LDB2: variants seen among roughly 807,000 people sequenced by gnomAD.
LDB2 encodes the protein LIM domain-binding protein 2.
In LDB2, 12 loss-of-function variants were observed where a neutral mutation model predicts 44.3. That is an observed-to-expected ratio of 0.27 (90% CI 0.17 to 0.44). LDB2 has a LOEUF of 0.44. Among genes scored for constraint, LDB2 ranks in the 20% least tolerant of loss-of-function variants. The pLI is 1.00. For synonymous variants in LDB2, 164 were observed against 174.8 expected, an observed-to-expected ratio of 0.94 and a Z score of 0.49; for missense variants, 344 against 473.5, an observed-to-expected ratio of 0.73 and a Z score of 2.54.
At chr4:16,872,751 G>T (rs1717080431) in intron 1 of LDB2, among the ~76,000 whole-genome samples, 1 of 152,162 alleles carries the variant, frequency 6.6e-6, no homozygotes, top group South Asian at 2.1e-4. Flanking sequence ...TTAGAAATCA[G>T]TATAAGGCAG....
chr4:16,831,718 A>G (rs183174222), intron 1 of LDB2, among the ~76,000 whole-genome samples: 66 of 152,324 alleles, frequency 4.3e-4, no homozygotes, highest in Non-Finnish European at 2.9e-4. Flanking sequence ...CAGTAATTGG[A>G]CACTTGGATA....
intron 5 of LDB2, among the ~76,000 whole-genome samples, chr4:16,552,878 T>A (rs1221098006): frequency 6.6e-6 from 1 of 152,178 alleles, no homozygotes; most frequent in Non-Finnish European, 1.5e-5. Context: ...AAGGGACCTA[T>A]CTAAGTAAAC....
intron 1 of LDB2, among the ~76,000 whole-genome samples, chr4:16,774,016 G>A (rs1038777463): frequency 2.3e-4 from 15 of 65,172 alleles, no homozygotes; most frequent in Non-Finnish European, 5.1e-4. Context: ...ATAGCTGGGC[G>A]TGCTGGCGCA....
rs139832665 is a variant in LDB2 at position 16,881,956 on chromosome 4, C to T, written c.132+16398G>A. Among the ~76,000 whole-genome samples, 158 of 152,318 alleles carry T rather than the reference C, an allele frequency of 1.0e-3. 1 individual carries two copies. Among genetic ancestry groups the T allele is most frequent in the Middle Eastern group, 6.8e-3 (2 of 294 alleles). On this transcript the variant is annotated intron_variant, in intron 1 of 7. Transcript: ENST00000304523. ...AGATGTAGCATTGTTAAGAAGTTAACAGTGCCTTCAATTAAACATAGGAAT... is the reference window on the plus strand; with the variant it reads ...AGATGTAGCATTGTTAAGAAGTTAATAGTGCCTTCAATTAAACATAGGAAT...
At chr4:16,796,020 G>A (rs1421112243) in intron 1 of LDB2, among the ~76,000 whole-genome samples, 1 of 152,094 alleles carries the variant, frequency 6.6e-6, no homozygotes, top group African/African-American at 2.4e-5. Context: ...GAGCCGGCGC[G>A]GTGGTTCACG....
intron 2 of LDB2, among the ~76,000 whole-genome samples, chr4:16,649,445 A>C (rs1200649900): frequency 1.3e-5 from 2 of 152,238 alleles, no homozygotes; most frequent in African/African-American, 4.8e-5. Context: ...AGTGCTTAAC[A>C]GATTTTTCTT....
chr4:16,645,952 C>T (rs1313208209), intron 2 of LDB2, among the ~76,000 whole-genome samples: 2 of 152,184 alleles, frequency 1.3e-5, no homozygotes, highest in Non-Finnish European at 2.9e-5. Flanking sequence ...CGAGTGGCCT[C>T]AGAAAGTGGA....
At chr4:16,716,038 T>C (rs1560976994) in intron 2 of LDB2, among the ~76,000 whole-genome samples, 1 of 152,198 alleles carries the variant, frequency 6.6e-6, no homozygotes, top group South Asian at 2.1e-4. Flanking sequence ...TATGTCCCAT[T>C]TACTGGAATA....
intron 1 of LDB2, among the ~76,000 whole-genome samples, chr4:16,880,709 TCCTG>T (rs1276734793): frequency 1.3e-5 from 2 of 151,936 alleles, no homozygotes; most frequent in South Asian, 4.2e-4. Flanking sequence ...ATCGAGACCA[TCCTG>T]GCTAACACAG....
At chr4:16,800,315 G>A (rs1179424386) in intron 1 of LDB2, among the ~76,000 whole-genome samples, 1 of 152,060 alleles carries the variant, frequency 6.6e-6, no homozygotes, top group Non-Finnish European at 1.5e-5. Flanking sequence ...TATTTGTATC[G>A]AGTTGATTAT....
chr4:16,633,602 G>A (rs960588204), intron 2 of LDB2, among the ~76,000 whole-genome samples: 4 of 152,118 alleles, frequency 2.6e-5, no homozygotes, highest in African/African-American at 7.2e-5. Flanking sequence ...ACTGCTCAAG[G>A]AAATAAGAGA....
chr4:16,764,386 G>T (rs1476284773), intron 1 of LDB2, among the ~76,000 whole-genome samples: 1 of 152,106 alleles, frequency 6.6e-6, no homozygotes, highest in Non-Finnish European at 1.5e-5. Flanking sequence ...AAGAGATTAG[G>T]AGTTTAGGGA....
At position 16,671,483 on chromosome 4, in the gene LDB2, G is replaced by A. The variant is rs1744756882; in HGVS notation, c.236-75608C>T. 2.0e-5 allele frequency among the ~76,000 whole-genome samples: 3 copies of A among 152,060 alleles called. No individual in the cohort carries two copies. In the South Asian group the frequency reaches 6.2e-4, roughly 32 times the overall value. ...AGCTCACCTGCCTTTGTCCCTCCAGGTCCCTACTGTCTCAGCAGTCAGAGC... is the reference window on the plus strand; with the variant it reads ...AGCTCACCTGCCTTTGTCCCTCCAGATCCCTACTGTCTCAGCAGTCAGAGC... On this transcript the variant is annotated intron_variant, in intron 2 of 7. Transcript: ENST00000304523.
chr4:16,687,327 A>G (rs1452040225), intron 2 of LDB2, among the ~76,000 whole-genome samples: 1 of 152,128 alleles, frequency 6.6e-6, no homozygotes, highest in Non-Finnish European at 1.5e-5. Flanking sequence ...ATAAAAAGAG[A>G]CTTGAGAGCT....
intron 6 of LDB2, among the ~76,000 whole-genome samples, chr4:16,511,195 C>T (rs1364910560): frequency 3.9e-5 from 6 of 152,152 alleles, no homozygotes; most frequent in Non-Finnish European, 7.3e-5. Context: ...CTATGTGCCT[C>T]GTGTTAATAA....
At chr4:16,673,253 T>C (rs566645389) in intron 2 of LDB2, among the ~76,000 whole-genome samples, 1 of 152,344 alleles carries the variant, frequency 6.6e-6, no homozygotes, top group East Asian at 1.9e-4. Flanking sequence ...GCCAGACATC[T>C]TACCTTCGAG....
chr4:16,701,045 T>C (rs1445606865), intron 2 of LDB2, among the ~76,000 whole-genome samples: 1 of 152,192 alleles, frequency 6.6e-6, no homozygotes, highest in Admixed American at 6.5e-5. Flanking sequence ...TGAAGAACCC[T>C]GAAGCACAGA....
At chr4:16,600,083 T>C (rs1722154456) in intron 2 of LDB2, among the ~76,000 whole-genome samples, 1 of 152,216 alleles carries the variant, frequency 6.6e-6, no homozygotes, top group Admixed American at 6.5e-5. Flanking sequence ...CATGTTCTTT[T>C]ACTGCAGTCA....
intron 7 of LDB2, chr4:16,507,271 T>C (rs903394811): frequency 6.6e-6 from 1 of 152,094 alleles, no homozygotes; most frequent in Admixed American, 6.5e-5. Flanking sequence ...TTCTTTCTAA[T>C]GCAGTGGGAA....
Sources: allele counts gnomAD v4.1 joint callset (sites outside exome capture counted in the v4.1 genomes callset), GRCh38; gene constraint gnomAD v4.1.1; transcripts MANE v1.5; gene names NCBI Gene and HGNC (gene_info 2026-07-23, HGNC 2026-07-21).